CSMD1: variants seen among roughly 807,000 people sequenced by gnomAD.
CSMD1 encodes CUB and Sushi multiple domains 1.
In CSMD1, 213 loss-of-function variants were observed where a neutral mutation model predicts 417.5. The observed-to-expected ratio is 0.51, with a 90% confidence interval of 0.46 to 0.57. The LOEUF (loss-of-function observed/expected upper bound fraction) is 0.57, where lower values mean the gene tolerates loss of function less well. CSMD1 is among the 20% of genes least tolerant of loss of function. The pLI, the probability that CSMD1 is intolerant of heterozygous loss-of-function variation, is 0.00. For missense variants in CSMD1, 6,923 were observed against 4,529.7 expected, an observed-to-expected ratio of 1.53 and a Z score of -15.17; for synonymous variants, 2,862 against 1,736.8, an observed-to-expected ratio of 1.65 and a Z score of -16.11.
chr8:4,377,984 A>G (rs995565683), intron 3 of CSMD1, among the ~76,000 whole-genome samples: 7 of 152,194 alleles, frequency 4.6e-5, no homozygotes, highest in Non-Finnish European at 1.0e-4. Context: ...TAGTGCTGTC[A>G]ACAACATTTA....
chr8:3,670,843 ATATGGGATATATATG>A lies in CSMD1; in HGVS notation c.1009+37556_1009+37570del, dbSNP rs1289720814. Among the ~76,000 whole-genome samples the A allele has an allele frequency of 2.7e-5, 4 of 150,696 alleles. No individual in the cohort carries two copies. The East Asian group carries it at 8.0e-4, about 30-fold the overall frequency. Reference sequence around the variant, plus strand: ...ATATATGTATAGGGGATATATATGTATATGGGATATATATGTATGGGATATATATGTATATGGGAT... The same window carrying A: ...ATATATGTATAGGGGATATATATGTATATGGGATATATATGTATATGGGAT... On this transcript the variant is annotated intron_variant, in intron 7 of 69. Transcript: ENST00000635120.
At chr8:3,498,808 T>G (rs528501960) in intron 10 of CSMD1, among the ~76,000 whole-genome samples, 2 of 152,328 alleles carry the variant, frequency 1.3e-5, no homozygotes, top group South Asian at 2.1e-4. Flanking sequence ...TTTTAAATTG[T>G]ATTCATTTTA....
chr8:3,263,613 A>G (rs552852016), intron 26 of CSMD1, among the ~76,000 whole-genome samples: 1 of 152,350 alleles, frequency 6.6e-6, no homozygotes, highest in Admixed American at 6.5e-5. Flanking sequence ...TTAGTATGAA[A>G]TTATATTTTT....
At chr8:3,027,094 T>C (rs967164603) in intron 51 of CSMD1, among the ~76,000 whole-genome samples, 2 of 152,308 alleles carry the variant, frequency 1.3e-5, no homozygotes, top group Middle Eastern at 3.4e-3. Context: ...ACAAGCCCTG[T>C]ATTAGTACAA....
At chr8:3,676,146 T>A (rs933821722) in intron 7 of CSMD1, among the ~76,000 whole-genome samples, 3 of 152,240 alleles carry the variant, frequency 2.0e-5, no homozygotes, top group African/African-American at 7.2e-5. Context: ...CTAGAATAGG[T>A]AAATTGTTTA....
At chr8:4,627,800 T>G (rs1478279) in intron 2 of CSMD1, among the ~76,000 whole-genome samples, 111,855 of 151,926 alleles carry the variant, frequency 0.74, 41,510 homozygotes, top group Admixed American at 0.82. Context: ...GGCAGACATA[T>G]GAATAGTATA....
At chr8:3,954,778 G>C (rs913795475) in intron 5 of CSMD1, among the ~76,000 whole-genome samples, 7 of 151,684 alleles carry the variant, frequency 4.6e-5, no homozygotes, top group Admixed American at 1.3e-4. Flanking sequence ...AATGTGGCAG[G>C]GAGTTACATG....
chr8:3,703,406 G>T (rs1048683150), intron 7 of CSMD1, among the ~76,000 whole-genome samples: 1 of 41,950 alleles, frequency 2.4e-5, no homozygotes, highest in Admixed American at 3.7e-4. Flanking sequence ...TAGGGCTTTT[G>T]TTCCAAAGCA....
intron 2 of CSMD1, among the ~76,000 whole-genome samples, chr8:4,427,240 G>A (rs1407498023): frequency 6.6e-6 from 1 of 152,172 alleles, no homozygotes; most frequent in African/African-American, 2.4e-5. Flanking sequence ...GCCGTGCCCT[G>A]AATGGTCCTC....
rs142737829 is a variant in CSMD1, at chr8:4,210,743, C to T, written c.416-178644G>A. Among the ~76,000 whole-genome samples, 978 of 152,246 alleles carry T rather than the reference C, an allele frequency of 6.4e-3. 5 individuals are homozygous for T. Among genetic ancestry groups the T allele is most frequent in the Non-Finnish European group, 0.011 (746 of 67,998 alleles). ...ACACTAAAAATCACAAAATCTTCAA[C>T]ATACTGAAATATGAAAGATCTTTTG... On this transcript the variant is annotated intron_variant, in intron 3 of 69. Transcript: ENST00000635120.
intron 1 of CSMD1, among the ~76,000 whole-genome samples, chr8:4,846,694 A>T (rs1362650913): frequency 6.6e-6 from 1 of 152,180 alleles, no homozygotes; most frequent in East Asian, 1.9e-4. Flanking sequence ...TCCTTTCTTG[A>T]ACTTGGTCCC....
At chr8:3,061,837 TA>T (rs1204372369) in intron 49 of CSMD1, among the ~76,000 whole-genome samples, 2 of 152,158 alleles carry the variant, frequency 1.3e-5, no homozygotes, top group Non-Finnish European at 2.9e-5. Flanking sequence ...AGATAGACTC[TA>T]TTTTTTTTAT....
intron 1 of CSMD1, among the ~76,000 whole-genome samples, chr8:4,836,931 A>G (rs2116751479): frequency 6.6e-6 from 1 of 152,272 alleles, no homozygotes; most frequent in Admixed American, 6.5e-5. Flanking sequence ...TTCTAATGGG[A>G]AACCTCCATG....
chr8:3,532,341 G>A (rs897499817), intron 10 of CSMD1, among the ~76,000 whole-genome samples: 2 of 152,104 alleles, frequency 1.3e-5, no homozygotes, highest in Non-Finnish European at 2.9e-5. Flanking sequence ...GAATCTCCTG[G>A]CTATTGGCAC....
At chr8:4,457,995 G>C (rs1044279881) in intron 2 of CSMD1, among the ~76,000 whole-genome samples, 1 of 152,180 alleles carries the variant, frequency 6.6e-6, no homozygotes, top group Non-Finnish European at 1.5e-5. Flanking sequence ...CTTCCCCTGA[G>C]AGGTAGTGAC....
At chr8:3,949,369 C>G (rs1170552969) in intron 5 of CSMD1, among the ~76,000 whole-genome samples, 1 of 152,134 alleles carries the variant, frequency 6.6e-6, no homozygotes, top group Non-Finnish European at 1.5e-5. Flanking sequence ...ATCTCACAGT[C>G]CCTGGAAACA....
At chr8:4,145,113 T>C (rs182339795) in intron 3 of CSMD1, among the ~76,000 whole-genome samples, 3 of 151,298 alleles carry the variant, frequency 2.0e-5, no homozygotes, top group Admixed American at 2.0e-4. Flanking sequence ...AAGAATATAA[T>C]TACATGGCGC....
At chr8:4,633,463 A>G (rs1176330906) in intron 2 of CSMD1, among the ~76,000 whole-genome samples, 4 of 151,828 alleles carry the variant, frequency 2.6e-5, no homozygotes, top group East Asian at 2.0e-4. Flanking sequence ...GTTAGCCAGG[A>G]TGGTCTCGAT....
At chr8:3,895,380 T>C (rs1807290873) in intron 5 of CSMD1, among the ~76,000 whole-genome samples, 1 of 152,192 alleles carries the variant, frequency 6.6e-6, no homozygotes, top group South Asian at 2.1e-4. Flanking sequence ...ATTTTATATA[T>C]TAAATGAAAT....
Sources: allele counts gnomAD v4.1 joint callset (sites outside exome capture counted in the v4.1 genomes callset), GRCh38; gene constraint gnomAD v4.1.1; transcripts MANE v1.5; gene names NCBI Gene and HGNC (gene_info 2026-07-23, HGNC 2026-07-21).